The following WDFY2 variants were observed in gnomAD, a reference collection of about 807,000 sequenced individuals.
WDFY2 encodes the protein WD repeat and FYVE domain containing 2.
In WDFY2, 36 loss-of-function variants were observed where a neutral mutation model predicts 56.4. That is an observed-to-expected ratio of 0.64 (90% CI 0.49 to 0.84). The LOEUF is 0.84. WDFY2 is among the 40% of genes least tolerant of loss of function. The pLI is 0.00. For synonymous variants in WDFY2, 176 were observed against 183.7 expected, an observed-to-expected ratio of 0.96 and a Z score of 0.34; for missense variants, 444 against 512.2, an observed-to-expected ratio of 0.87 and a Z score of 1.29.
intron 1 of WDFY2, among the ~76,000 whole-genome samples, chr13:51,651,025 C>T (rs1955370959): frequency 6.6e-6 from 1 of 152,196 alleles, no homozygotes. Flanking sequence ...TAGAATTCGG[C>T]TGTGACTGCA....
chr13:51,729,070 C>T (rs933005652), intron 6 of WDFY2, among the ~76,000 whole-genome samples: 4 of 152,152 alleles, frequency 2.6e-5, no homozygotes, highest in Admixed American at 1.3e-4. Context: ...AGTGGTGCAT[C>T]GCTTCACCCA....
At chr13:51,597,010 C>T (rs906591977) in intron 1 of WDFY2, among the ~76,000 whole-genome samples, 2 of 152,166 alleles carry the variant, frequency 1.3e-5, no homozygotes, top group African/African-American at 4.8e-5. Flanking sequence ...TCTTGAGGCT[C>T]TGGGGGCATG....
intron 1 of WDFY2, among the ~76,000 whole-genome samples, chr13:51,608,743 T>C (rs1312611667): frequency 6.6e-6 from 1 of 152,192 alleles, no homozygotes; most frequent in African/African-American, 2.4e-5. Context: ...AGTAAGATTA[T>C]ATCAGATATG....
chr13:51,627,200 C>G (rs1156999036), intron 1 of WDFY2, among the ~76,000 whole-genome samples: 1 of 152,216 alleles, frequency 6.6e-6, no homozygotes, highest in Non-Finnish European at 1.5e-5. Context: ...AAGAGAGTGT[C>G]ACAGCCCTAG....
At chr13:51,747,162 A>G (rs1953122645) in intron 7 of WDFY2, among the ~76,000 whole-genome samples, 1 of 152,276 alleles carries the variant, frequency 6.6e-6, no homozygotes, top group East Asian at 1.9e-4. Context: ...GGCAAGGATC[A>G]GAATAATACA....
At chr13:51,720,174 C>T (rs1373985054) in intron 5 of WDFY2, among the ~76,000 whole-genome samples, 2 of 152,226 alleles carry the variant, frequency 1.3e-5, no homozygotes, top group African/African-American at 4.8e-5. Context: ...TTTCTAATTT[C>T]ATCTCCATAT....
chr13:51,614,293 G>C (rs972194581), intron 1 of WDFY2, among the ~76,000 whole-genome samples: 1 of 152,118 alleles, frequency 6.6e-6, no homozygotes, highest in Admixed American at 6.5e-5. Flanking sequence ...AAAATGAAAG[G>C]GTTGTTTTAA....
chr13:51,686,702 G>A (rs1357335400), intron 3 of WDFY2, among the ~76,000 whole-genome samples: 1 of 152,042 alleles, frequency 6.6e-6, no homozygotes, highest in African/African-American at 2.4e-5. Context: ...TGGAGACCAT[G>A]GTTATAAACA....
At chr13:51,625,598 T>C (rs1480297492) in intron 1 of WDFY2, among the ~76,000 whole-genome samples, 1 of 152,232 alleles carries the variant, frequency 6.6e-6, no homozygotes, top group Non-Finnish European at 1.5e-5. Context: ...TAAGAGTCCA[T>C]TAAAAATCCT....
chr13:51,757,969 T>C (rs1031071621), intron 10 of WDFY2, among the ~76,000 whole-genome samples: 2 of 152,190 alleles, frequency 1.3e-5, no homozygotes, highest in Admixed American at 1.3e-4. Context: ...GAAGGACTTT[T>C]AGAAATTTTC....
chr13:51,602,631 A>G (rs1028316792), intron 1 of WDFY2, among the ~76,000 whole-genome samples: 2 of 152,248 alleles, frequency 1.3e-5, no homozygotes, highest in East Asian at 1.9e-4. Context: ...TCAGCTTCAC[A>G]TCTGCTTATA....
chr13:51,710,592 T>C (rs1952190384), intron 4 of WDFY2, among the ~76,000 whole-genome samples: 1 of 152,202 alleles, frequency 6.6e-6, no homozygotes, highest in East Asian at 1.9e-4. Context: ...CAGCAAAGTC[T>C]CAGGATACAA....
Position 51,697,448 on chromosome 13 carries a change from C to T in WDFY2, c.280-6148C>T, listed in dbSNP as rs73197856. ...AGGAGTTCAAGAGCAGCCTGGGTAA[C>T]GTGGTAAAACGCCATCTCTACAAAA... On this transcript the variant is annotated intron_variant, in intron 3 of 11. Coordinates refer to ENST00000298125, the MANE Select transcript of WDFY2 (RefSeq NM_052950.4). Among the ~76,000 whole-genome samples, 1,369 of 152,012 alleles carry T rather than the reference C, an allele frequency of 9.0e-3. 14 individuals carry two copies. The highest frequency in any genetic ancestry group is 0.015 in the Non-Finnish European group (1,048 of 67,976).
chr13:51,671,018 A>G (rs566577558), intron 2 of WDFY2, among the ~76,000 whole-genome samples: 77 of 152,244 alleles, frequency 5.1e-4, no homozygotes, highest in Admixed American at 2.2e-3. Flanking sequence ...ATGGTCTCCA[A>G]TTCCATCCAG....
chr13:51,736,342 T>C (rs563328728), intron 6 of WDFY2, among the ~76,000 whole-genome samples: 13 of 152,192 alleles, frequency 8.5e-5, no homozygotes, highest in Non-Finnish European at 1.9e-4. Context: ...CTAATAAAGA[T>C]AGGGCTGGGA....
intron 1 of WDFY2, among the ~76,000 whole-genome samples, chr13:51,632,000 C>G (rs1351347388): frequency 2.0e-5 from 3 of 151,966 alleles, no homozygotes; most frequent in South Asian, 4.2e-4. Context: ...TTTTGATTCC[C>G]CTGTTTATTA....
chr13:51,644,525 C>T (rs1255822203), intron 1 of WDFY2, among the ~76,000 whole-genome samples: 2 of 152,120 alleles, frequency 1.3e-5, no homozygotes, highest in African/African-American at 4.8e-5. Context: ...AATGACCCAA[C>T]TGATAAAAAC....
chr13:51,626,853 A>G (rs1206705020), intron 1 of WDFY2, among the ~76,000 whole-genome samples: 2 of 152,186 alleles, frequency 1.3e-5, no homozygotes, highest in Non-Finnish European at 2.9e-5. Context: ...AGTAATGCTC[A>G]TGCCTGCTGG....
intron 4 of WDFY2, among the ~76,000 whole-genome samples, chr13:51,716,610 G>T (rs1952353700): frequency 6.8e-6 from 1 of 146,862 alleles, no homozygotes; most frequent in Non-Finnish European, 1.5e-5. Context: ...GGAGAATGGC[G>T]TGAACCCGGG....
Sources: gnomAD v4.1 joint callset for allele counts (sites outside exome capture counted in the v4.1 genomes callset) on GRCh38, gnomAD v4.1.1 for gene constraint, MANE v1.5 for transcripts, NCBI Gene and HGNC (gene_info 2026-07-23, HGNC 2026-07-21) for gene names.